VAPB: variants seen among roughly 807,000 people sequenced by gnomAD.
VAPB encodes VAMP associated protein B and C, also known as vesicle-associated membrane protein-associated protein B/C.
Under a neutral mutation model 25.6 loss-of-function variants are expected in VAPB, and 7 were observed. That is an observed-to-expected ratio of 0.27 (90% CI 0.16 to 0.51). The LOEUF (loss-of-function observed/expected upper bound fraction) is 0.51. Ranked by LOEUF, VAPB falls within the 20% of genes least tolerant of loss-of-function variation. VAPB has a pLI of 0.97. For missense variants in VAPB, 266 were observed against 301.3 expected (o/e 0.88, Z 0.87); for synonymous variants, 112 against 109.2 (o/e 1.03, Z -0.16).
rs1167430373 is a variant in VAPB, at chr20:58,389,262, G to A, written c.-198G>A. ...TCAGCTCGCCGGGCACCGCGGCCTC[G>A]CCCTCGCCCTCCGCCCCTGCGCCTG... On this transcript the variant is annotated 5_prime_UTR_variant, in exon 1 of 6. Transcript: ENST00000475243. The A allele has an allele frequency of 4.5e-6, 3 of 672,314 alleles. No individual in the cohort carries two copies. The highest frequency in any genetic ancestry group is 8.0e-6 in the Non-Finnish European group (3 of 373,046). The allele number at this position is 672,314 out of a possible 1,614,324, so 41.6% of individuals were successfully genotyped here. A position where few individuals can be genotyped will look rare whatever the true frequency, so the allele number is the denominator to read the frequency against.
chr20:58,426,253 C>T (rs1048454849), intron 2 of VAPB, among the ~76,000 whole-genome samples: 1 of 152,118 alleles, frequency 6.6e-6, no homozygotes, highest in African/African-American at 2.4e-5. Context: ...GCCTGGAGTG[C>T]ATGCCGCTCT....
At chr20:58,390,564 C>A (rs1600764409) in intron 1 of VAPB, among the ~76,000 whole-genome samples, 1 of 152,144 alleles carries the variant, frequency 6.6e-6, no homozygotes, top group African/African-American at 2.4e-5. Flanking sequence ...GACAAACCAA[C>A]ACACAAGATC....
chr20:58,406,558 T>G (rs1988233842), intron 1 of VAPB, among the ~76,000 whole-genome samples: 1 of 152,218 alleles, frequency 6.6e-6, no homozygotes, highest in Non-Finnish European at 1.5e-5. Flanking sequence ...AAATTCCAGT[T>G]GGATCATCAA....
intron 1 of VAPB, among the ~76,000 whole-genome samples, chr20:58,396,355 A>C (rs1031543695): frequency 6.6e-6 from 1 of 152,176 alleles, no homozygotes; most frequent in Non-Finnish European, 1.5e-5. Flanking sequence ...CATTGTTGGC[A>C]TTTCAGTAGG....
chr20:58,439,671 A>T (rs979955169), intron 4 of VAPB: 3 of 154,804 alleles, frequency 1.9e-5, no homozygotes, highest in Admixed American at 1.9e-4. Context: ...TGTGTCCTGG[A>T]GGGCAATATC....
Position 58,449,929 on chromosome 20 carries a change from G to A in VAPB, c.*5694G>A, listed in dbSNP as rs1040257016. On this transcript the variant is annotated 3_prime_UTR_variant, in exon 6 of 6. Coordinates refer to ENST00000475243, the MANE Select transcript of VAPB (RefSeq NM_004738.5). The stretch of plus-strand genomic sequence containing the variant: ...GCCATGTCTGACTGAAATAAAACAG[G>A]TTCCCTTTTTTTTTCCCTTTGGAAA... 4.4e-6 allele frequency: 2 copies of A among 453,940 alleles called. No homozygotes were observed. Among genetic ancestry groups the A allele is most frequent in the African/African-American group, 4.0e-5 (2 of 49,960 alleles). The allele number at this position is 453,940 out of a possible 1,614,324, so 28.1% of individuals were successfully genotyped here. A position where few individuals can be genotyped will look rare whatever the true frequency, so the allele number is the denominator to read the frequency against.
Position 58,389,308 on chromosome 20 carries a change from C to G in VAPB, c.-152C>G, listed in dbSNP as rs753958893. The stretch of plus-strand genomic sequence containing the variant: ...GCCTGCACCGCGTAGACCGACCCCC[C>G]CCCAGCGCGCCCACCCGGTAGAGGA... On this transcript the variant is annotated 5_prime_UTR_variant, in exon 1 of 6. Coordinates refer to ENST00000475243, the MANE Select transcript of VAPB (RefSeq NM_004738.5). 6.1e-5 allele frequency: 43 copies of G among 708,810 alleles called. 3 individuals carry two copies. The highest frequency in any genetic ancestry group is 3.0e-5 in the South Asian group (2 of 66,790). The allele number at this position is 708,810 out of a possible 1,614,324, so 43.9% of individuals were successfully genotyped here.
intron 1 of VAPB, among the ~76,000 whole-genome samples, chr20:58,402,428 T>C (rs1269840037): frequency 6.6e-6 from 1 of 152,194 alleles, no homozygotes; most frequent in East Asian, 1.9e-4. Context: ...GCTTCACTTC[T>C]TCAAGGTAAC....
At chr20:58,390,521 T>C (rs886811113) in intron 1 of VAPB, among the ~76,000 whole-genome samples, 4 of 152,154 alleles carry the variant, frequency 2.6e-5, no homozygotes, top group African/African-American at 7.2e-5. Context: ...ATAAGGCCTC[T>C]GCTCTCACAG....
intron 2 of VAPB, among the ~76,000 whole-genome samples, chr20:58,426,436 AG>A (rs1988784265): frequency 6.6e-6 from 1 of 152,174 alleles, no homozygotes; most frequent in Non-Finnish European, 1.5e-5. Context: ...AGGGTAAGGG[AG>A]AATCAAGAGA....
intron 2 of VAPB, among the ~76,000 whole-genome samples, chr20:58,418,721 A>G (rs77335005): frequency 0.057 from 8,620 of 152,268 alleles, 383 homozygotes; most frequent in Non-Finnish European, 0.085. Flanking sequence ...AGGGCTAAAC[A>G]AACTTAATTT....
intron 1 of VAPB, among the ~76,000 whole-genome samples, chr20:58,400,037 C>G (rs571734248): frequency 2.0e-5 from 3 of 152,234 alleles, no homozygotes; most frequent in African/African-American, 7.2e-5. Context: ...GTGTTATGGC[C>G]ATCTCCATTT....
intron 1 of VAPB, among the ~76,000 whole-genome samples, chr20:58,394,725 A>G (rs1987904476): frequency 6.6e-6 from 1 of 152,186 alleles, no homozygotes; most frequent in Non-Finnish European, 1.5e-5. Context: ...CTTTTTCTTC[A>G]CAGTTAACTC....
At chr20:58,389,669 G>A in intron 1 of VAPB, 152 bp downstream of exon 1, 4 of 829,280 alleles carry the variant, frequency 4.8e-6, no homozygotes, top group Non-Finnish European at 6.7e-6. Flanking sequence ...CTTGGCGCTC[G>A]CCGCGCTCCC....
Position 58,450,471 on chromosome 20 carries a change from A to G in VAPB, c.*6236A>G, listed in dbSNP as rs921225715. On this transcript the variant is annotated 3_prime_UTR_variant, in exon 6 of 6. Coordinates refer to ENST00000475243, the MANE Select transcript of VAPB (RefSeq NM_004738.5). ...ATGATACACCGAGAGAAAAATGCAA[A>G]ATATATTTGGTTCTCATTTCTGTTG... The G allele has an allele frequency of 8.8e-6, 4 of 453,800 alleles. No homozygotes were observed. The highest frequency in any genetic ancestry group is 1.8e-5 in the Non-Finnish European group (4 of 226,776). 28.1% of individuals were successfully genotyped at this position (453,800 alleles called of 1,614,324 possible).
rs1208197781 is a variant in VAPB at position 58,449,385 on chromosome 20, A to G, written c.*5150A>G. ...ACATAAACAGTTATGGATGATAGTT[A>G]AAAGAGAAACGGGTGGAGGTGGATG... On this transcript the variant is annotated 3_prime_UTR_variant, in exon 6 of 6. Transcript: ENST00000475243. 2.2e-6 allele frequency: 1 copy of G among 453,742 alleles called. No individual in the cohort carries two copies. The highest frequency in any genetic ancestry group is 4.4e-6 in the Non-Finnish European group (1 of 226,734). The allele number at this position is 453,742 out of a possible 1,614,324, so 28.1% of individuals were successfully genotyped here. A position where few individuals can be genotyped will look rare whatever the true frequency, so the allele number is the denominator to read the frequency against.
chr20:58,394,031 C>T (rs1054825449), intron 1 of VAPB, among the ~76,000 whole-genome samples: 9 of 152,210 alleles, frequency 5.9e-5, no homozygotes, highest in Non-Finnish European at 1.3e-4. Context: ...TGCACCCAGC[C>T]GGTTAAGGTT....
In VAPB at chr20:58,448,728, G is replaced by A. The variant is rs1220536222; in HGVS notation, c.*4493G>A. 2.2e-6 allele frequency: 1 copy of A among 453,952 alleles called. No homozygotes were observed. The highest frequency in any genetic ancestry group is 4.4e-6 in the Non-Finnish European group (1 of 226,776). The allele number at this position is 453,952 out of a possible 1,614,324, so 28.1% of individuals were successfully genotyped here. Reference sequence around the variant, plus strand: ...CACTAAAGTAAGTAGAATTAAGACTGTAGTTCAGATGCTTTTTCTTTTTCT... The same window carrying A: ...CACTAAAGTAAGTAGAATTAAGACTATAGTTCAGATGCTTTTTCTTTTTCT... On this transcript the variant is annotated 3_prime_UTR_variant, in exon 6 of 6. Coordinates refer to ENST00000475243, the MANE Select transcript of VAPB (RefSeq NM_004738.5).
At position 58,399,630 on chromosome 20, in the gene VAPB, C is replaced by G. The variant is rs182346961; in HGVS notation, c.58+10113C>G. 7.6e-4 allele frequency among the ~76,000 whole-genome samples: 114 copies of G among 150,888 alleles called. 1 individual carries two copies. Among genetic ancestry groups the G allele is most frequent in the Middle Eastern group, 3.4e-3 (1 of 294 alleles). ...AATCCGGAGGCTGAGGGGCAGGAAT[C>G]GCTTGAACCCAGGAGGGCAGAGGTT... On this transcript the variant is annotated intron_variant, in intron 1 of 5. Transcript: ENST00000475243.
Sources: gnomAD v4.1 joint callset for allele counts (sites outside exome capture counted in the v4.1 genomes callset) on GRCh38, gnomAD v4.1.1 for gene constraint, MANE v1.5 for transcripts, NCBI Gene and HGNC (gene_info 2026-07-23, HGNC 2026-07-21) for gene names.